LATS2: variants seen among roughly 807,000 people sequenced by gnomAD.
The protein encoded by LATS2 is serine/threonine-protein kinase LATS2.
In LATS2, 24 loss-of-function variants were observed where a neutral mutation model predicts 76.0. The observed-to-expected ratio is 0.32, with a 90% CI of 0.23 to 0.44. The LOEUF is 0.44. Ranked by LOEUF, LATS2 falls within the 20% of genes least tolerant of loss-of-function variation. The pLI, the probability that LATS2 is intolerant of heterozygous loss-of-function variation, is 1.00. For missense variants in LATS2, 1,286 were observed against 1,481.2 expected (o/e 0.87, Z 2.16); for synonymous variants, 692 against 635.4 (o/e 1.09, Z -1.34).
chr13:20,993,014 G>A (rs1199098855), intron 2 of LATS2, among the ~76,000 whole-genome samples: 3 of 127,412 alleles, frequency 2.4e-5, no homozygotes, highest in Non-Finnish European at 3.1e-5. Context: ...CCAGCCTGGC[G>A]ACAAAGTGTG....
chr13:21,002,246 T>A (rs1333545589), intron 2 of LATS2, among the ~76,000 whole-genome samples: 1 of 152,180 alleles, frequency 6.6e-6, no homozygotes, highest in Non-Finnish European at 1.5e-5. Context: ...CTAAAAATTC[T>A]GGGATGGTCT....
chr13:21,053,748 A>C lies in LATS2; in HGVS notation c.-204-7518T>G, dbSNP rs138208169. ...GCATATTATTCAGCTATAAAAAGGAAGGAAATCCTGTCATATGCAACAATA... is the reference window on the plus strand; with the variant it reads ...GCATATTATTCAGCTATAAAAAGGACGGAAATCCTGTCATATGCAACAATA... On this transcript the variant is annotated intron_variant, in intron 1 of 7. Transcript: ENST00000382592. Among the ~76,000 whole-genome samples, 31 of 152,338 alleles carry C rather than the reference A, an allele frequency of 2.0e-4. No homozygotes were observed. The East Asian group carries it at 6.0e-3, about 29-fold the overall frequency.
At chr13:20,981,800 CT>C in intron 5 of LATS2, 152 bp from the exon 6 acceptor site, 4 of 673,644 alleles carry the variant, frequency 5.9e-6, no homozygotes, top group Non-Finnish European at 9.7e-6. Flanking sequence ...CGCTGAGCTG[CT>C]CCATAGGGGC....
chr13:21,032,606 G>T (rs1872569328), intron 2 of LATS2, among the ~76,000 whole-genome samples: 1 of 152,000 alleles, frequency 6.6e-6, no homozygotes, highest in Non-Finnish European at 1.5e-5. Flanking sequence ...GCTATCATTA[G>T]TATTAGTGCA....
intron 2 of LATS2, among the ~76,000 whole-genome samples, chr13:21,024,934 C>T (rs1595242943): frequency 6.6e-6 from 1 of 152,270 alleles, no homozygotes; most frequent in East Asian, 1.9e-4. Flanking sequence ...CTCAGCCAGG[C>T]CCAGAGACAC....
At chr13:20,989,379 CCA>C (rs1279753026) in intron 3 of LATS2, 75 bp from the exon 4 acceptor site, 1 of 1,513,858 alleles carries the variant, frequency 6.6e-7, no homozygotes, top group African/African-American at 1.4e-5. Context: ...AGGCTGGTCC[CCA>C]CTCTAGCGCT....
Position 20,988,444 on chromosome 13 carries a change from T to C in LATS2, c.1336A>G (p.Ser446Gly). The C allele has an allele frequency of 4.6e-6, 7 of 1,518,382 alleles. No individual in the cohort carries two copies. The highest frequency in any genetic ancestry group is 6.1e-6 in the Non-Finnish European group (7 of 1,140,036). 94.1% of individuals were successfully genotyped at this position (1,518,382 alleles called of 1,614,324 possible). A position where few individuals can be genotyped will look rare whatever the true frequency, so the allele number is the denominator to read the frequency against. ...TAAHILHPVK[S>G]VRVLRPEPQT... ...GGCTCCGGCCTCAGCACACGCACGCTCTTCACCGGGTGCAAGATGTGCGCG... is the reference window on the plus strand; with the variant it reads ...GGCTCCGGCCTCAGCACACGCACGCCCTTCACCGGGTGCAAGATGTGCGCG... The change falls in exon 4 of 8, where the codon AGC becomes GGC. Residue 446 changes from serine (S) to glycine (G), a missense_variant. Transcript: ENST00000382592.
At chr13:20,992,467 T>G (rs1595219697) in intron 2 of LATS2, among the ~76,000 whole-genome samples, 1 of 151,562 alleles carries the variant, frequency 6.6e-6, no homozygotes, top group Non-Finnish European at 1.5e-5. Context: ...CGCGGGGCGG[T>G]GAGGCTCTGA....
intron 1 of LATS2, among the ~76,000 whole-genome samples, chr13:21,058,410 T>C (rs1395053998): frequency 6.6e-6 from 1 of 152,230 alleles, no homozygotes; most frequent in Non-Finnish European, 1.5e-5. Context: ...ATTTATCAGC[T>C]TCAATCCCCA....
chr13:21,022,551 A>T (rs1415003912), intron 2 of LATS2, among the ~76,000 whole-genome samples: 6 of 152,200 alleles, frequency 3.9e-5, no homozygotes, highest in Non-Finnish European at 8.8e-5. Flanking sequence ...CACGCAAAAC[A>T]CACCTTGTCC....
chr13:21,015,696 T>TTTTA (rs1019330692), intron 2 of LATS2, among the ~76,000 whole-genome samples: 2 of 152,164 alleles, frequency 1.3e-5, no homozygotes, highest in Non-Finnish European at 1.5e-5. Flanking sequence ...TCATCCCTCA[T>TTTTA]TTTATTTATT....
Position 21,007,704 on chromosome 13 carries a change from G to C in LATS2, c.343-16300C>G, listed in dbSNP as rs55913956. On this transcript the variant is annotated intron_variant, in intron 2 of 7. Coordinates refer to ENST00000382592, the MANE Select transcript of LATS2 (RefSeq NM_014572.3). ...TATAGTATATATATATATATAGTAT[G>C]TATATATATATATATATAGTATATA... Among the ~76,000 whole-genome samples the C allele has an allele frequency of 4.8e-3, 12 of 2,488 alleles. 1 individual carries two copies. The highest frequency in any genetic ancestry group is 0.022 in the African/African-American group (11 of 504). 1.6% of individuals were successfully genotyped at this position (2,488 alleles called of 152,430 possible).
intron 4 of LATS2, among the ~76,000 whole-genome samples, chr13:20,985,836 G>C (rs141993097): frequency 6.6e-6 from 1 of 151,214 alleles, no homozygotes; most frequent in Non-Finnish European, 1.5e-5. Context: ...ATCTGAGGTC[G>C]GAAGTTTGAG....
chr13:21,020,126 C>A (rs1467749390), intron 2 of LATS2, among the ~76,000 whole-genome samples: 1 of 149,936 alleles, frequency 6.7e-6, no homozygotes, highest in Non-Finnish European at 1.5e-5. Context: ...TAGACAGCTC[C>A]TAAAGTCAGT....
At position 20,973,278 on chromosome 13, in the gene LATS2, C is replaced by G. The variant is rs1044051336; in HGVS notation, c.*1592G>C. The G allele has an allele frequency of 8.6e-6, 2 of 231,420 alleles. No homozygotes were observed. The highest frequency in any genetic ancestry group is 4.4e-5 in the African/African-American group (2 of 45,214). 14.3% of individuals were successfully genotyped at this position (231,420 alleles called of 1,614,324 possible). On this transcript the variant is annotated 3_prime_UTR_variant, in exon 8 of 8. Coordinates refer to ENST00000382592, the MANE Select transcript of LATS2 (RefSeq NM_014572.3). ...CAAATGTAAACCAGTACACAGGAAT[C>G]TTTATTTTTTTAGTTTAAACACTGA... is the stretch of plus-strand genomic sequence containing the variant.
intron 2 of LATS2, among the ~76,000 whole-genome samples, chr13:21,040,362 G>A (rs1172182102): frequency 1.1e-4 from 16 of 145,590 alleles, no homozygotes; most frequent in African/African-American, 3.9e-4. Context: ...CAGCCTCGGC[G>A]ACAGACCTTG....
chr13:21,047,961 C>A (rs1422837112), intron 1 of LATS2, among the ~76,000 whole-genome samples: 4 of 152,282 alleles, frequency 2.6e-5, no homozygotes, highest in African/African-American at 9.6e-5. Context: ...AACATGAAAT[C>A]CCTATTTTAA....
intron 2 of LATS2, among the ~76,000 whole-genome samples, chr13:21,025,379 T>G: frequency 7.9e-6 from 1 of 126,376 alleles, no homozygotes; most frequent in African/African-American, 3.2e-5. Context: ...GCGACAAGAG[T>G]GAGACTCCGT....
intron 2 of LATS2, among the ~76,000 whole-genome samples, chr13:21,006,073 G>A (rs959659278): frequency 2.0e-5 from 3 of 152,052 alleles, no homozygotes; most frequent in African/African-American, 7.2e-5. Flanking sequence ...GAAGGCAGAG[G>A]TTGCGGTGGG....
Sources: gnomAD v4.1 joint callset for allele counts (sites outside exome capture counted in the v4.1 genomes callset) on GRCh38, gnomAD v4.1.1 for gene constraint, MANE v1.5 for transcripts, NCBI Gene and HGNC (gene_info 2026-07-23, HGNC 2026-07-21) for gene names.